The following ADAM22 variants were observed in gnomAD, a reference collection of about 807,000 sequenced individuals.
The protein encoded by ADAM22 is disintegrin and metalloproteinase domain-containing protein 22.
Under a neutral mutation model 144.6 loss-of-function variants are expected in ADAM22, and 65 were observed. The observed-to-expected ratio is 0.45, with a 90% CI of 0.37 to 0.55. ADAM22 has a LOEUF of 0.55. ADAM22 is among the 20% of genes least tolerant of loss of function. The pLI is 0.00. For synonymous variants in ADAM22, 391 were observed against 412.6 expected (o/e 0.95, Z 0.63); for missense variants, 974 against 1,184.9 (o/e 0.82, Z 2.61).
intron 5 of ADAM22, among the ~76,000 whole-genome samples, chr7:88,113,104 C>T (rs892897413): frequency 1.3e-5 from 2 of 150,590 alleles, no homozygotes; most frequent in African/African-American, 4.9e-5. Flanking sequence ...TTTCTGCATC[C>T]CCCCTGCCTG....
intron 11 of ADAM22, 160 bp from the exon 12 acceptor site, chr7:88,132,707 G>T: frequency 9.4e-6 from 5 of 533,862 alleles, no homozygotes; most frequent in African/African-American, 3.9e-5. Flanking sequence ...TTTTTCTTTG[G>T]TTACATGTAT....
chr7:88,164,596 G>C (rs1051977651), intron 23 of ADAM22, among the ~76,000 whole-genome samples: 7 of 151,982 alleles, frequency 4.6e-5, no homozygotes, highest in African/African-American at 1.7e-4. Context: ...CTTTTTATTA[G>C]CTGGGTAACA....
intron 3 of ADAM22, among the ~76,000 whole-genome samples, chr7:88,019,678 T>C (rs1292469721): frequency 6.6e-6 from 1 of 151,934 alleles, no homozygotes; most frequent in Non-Finnish European, 1.5e-5. Flanking sequence ...TAAAACCCTG[T>C]GTCTACTTAA....
At chr7:87,978,796 G>A (rs1852532740) in intron 3 of ADAM22, among the ~76,000 whole-genome samples, 1 of 152,158 alleles carries the variant, frequency 6.6e-6, no homozygotes, top group Non-Finnish European at 1.5e-5. Flanking sequence ...ATGATTCAGA[G>A]GACTGGCTGC....
chr7:87,975,804 G>A (rs1851768215), intron 2 of ADAM22, among the ~76,000 whole-genome samples: 1 of 152,160 alleles, frequency 6.6e-6, no homozygotes, highest in Admixed American at 6.5e-5. Flanking sequence ...CTGATTCAAA[G>A]GAAATTGAGG....
intron 12 of ADAM22, among the ~76,000 whole-genome samples, chr7:88,133,613 A>G (rs1479733902): frequency 6.6e-6 from 1 of 152,116 alleles, no homozygotes; most frequent in African/African-American, 2.4e-5. Flanking sequence ...ATGATTTTCC[A>G]GGGAATTGAA....
At chr7:88,117,024 A>T (rs994420186) in intron 7 of ADAM22, among the ~76,000 whole-genome samples, 7 of 152,230 alleles carry the variant, frequency 4.6e-5, no homozygotes, top group South Asian at 2.1e-4. Flanking sequence ...ACTTTAAAAA[A>T]TTTTAAAATT....
intron 4 of ADAM22, among the ~76,000 whole-genome samples, chr7:88,088,818 A>G (rs546453810): frequency 3.9e-5 from 6 of 152,354 alleles, no homozygotes; most frequent in Admixed American, 2.6e-4. Flanking sequence ...AAACAACAAC[A>G]ATCCAAAATT....
In ADAM22 at chr7:88,171,857, AAAAC is replaced by A. The variant is rs570491791; in HGVS notation, c.2300+301_2300+304del. 3.0e-3 allele frequency among the ~76,000 whole-genome samples: 453 copies of A among 151,848 alleles called. 3 individuals are homozygous for A. Among genetic ancestry groups the A allele is most frequent in the African/African-American group, 0.01 (429 of 41,532 alleles). The stretch of plus-strand genomic sequence containing the variant: ...ATATAGAAATTGATTTTTTCCATCT[AAAAC>A]AAACTTCCTCTATGTTAAGGTGTCC... On this transcript the variant is annotated intron_variant, in intron 26 of 31. Transcript: ENST00000413139.
intron 4 of ADAM22, among the ~76,000 whole-genome samples, chr7:88,106,666 G>A (rs3753106): frequency 0.57 from 86,024 of 152,006 alleles, 25,397 homozygotes; most frequent in East Asian, 0.9. Flanking sequence ...TTGGTGACAG[G>A]ATGGAAAGAG....
At chr7:87,962,020 T>C (rs1367836056) in intron 2 of ADAM22, among the ~76,000 whole-genome samples, 1 of 152,200 alleles carries the variant, frequency 6.6e-6, no homozygotes, top group Admixed American at 6.5e-5. Context: ...ATAATGCTCA[T>C]GCAAGTCATG....
chr7:88,057,990 T>C (rs1808750501), intron 3 of ADAM22, among the ~76,000 whole-genome samples: 1 of 152,220 alleles, frequency 6.6e-6, no homozygotes, highest in Non-Finnish European at 1.5e-5. Flanking sequence ...CATTTAAAAA[T>C]GACCCACATT....
rs185844067 is a variant in ADAM22 at position 87,938,795 on chromosome 7, G to A, written c.246+3609G>A. On this transcript the variant is annotated intron_variant, in intron 2 of 31. Transcript: ENST00000413139. Reference sequence around the variant, plus strand: ...CTCCCAAGTAGCTGGGACTACAGGCGCGTGCCACCACACCTGGCTAATTTT... The same window carrying A: ...CTCCCAAGTAGCTGGGACTACAGGCACGTGCCACCACACCTGGCTAATTTT... 2.6e-3 allele frequency among the ~76,000 whole-genome samples: 391 copies of A among 152,026 alleles called. 2 individuals carry two copies. Among genetic ancestry groups the A allele is most frequent in the African/African-American group, 8.9e-3 (370 of 41,478 alleles).
At chr7:88,151,076 T>C (rs887198080) in intron 19 of ADAM22, 45 bp downstream of exon 19, 1 of 1,582,070 alleles carries the variant, frequency 6.3e-7, no homozygotes, top group Non-Finnish European at 8.7e-7. Context: ...TGTACCAGCA[T>C]GAAAGGAATA....
chr7:87,943,608 A>G (rs1842889773), intron 2 of ADAM22, among the ~76,000 whole-genome samples: 1 of 152,126 alleles, frequency 6.6e-6, no homozygotes, highest in African/African-American at 2.4e-5. Context: ...TTATCATTAG[A>G]GTTCCTTTTA....
rs929700039 is a variant in ADAM22 at position 88,071,396 on chromosome 7, T to C, written c.324-4230T>C. Among the ~76,000 whole-genome samples the C allele has an allele frequency of 3.1e-4, 47 of 151,194 alleles. 1 individual carries two copies. The highest frequency in any genetic ancestry group is 1.5e-5 in the Non-Finnish European group (1 of 67,700). ...CATACCAGCTTTATGAAGTGATTTTTTTTTTTTTTTTTTTTTTAGTGTCTC... is the reference window on the plus strand; with the variant it reads ...CATACCAGCTTTATGAAGTGATTTTCTTTTTTTTTTTTTTTTTAGTGTCTC... On this transcript the variant is annotated intron_variant, in intron 3 of 31. Coordinates refer to ENST00000413139, the MANE Select transcript of ADAM22 (RefSeq NM_001324418.2).
chr7:88,083,495 A>C (rs1817504776), intron 4 of ADAM22, among the ~76,000 whole-genome samples: 1 of 152,122 alleles, frequency 6.6e-6, no homozygotes. Flanking sequence ...TATAAAAAAA[A>C]GAATGCTATA....
chr7:88,186,853 T>C, intron 30 of ADAM22, 152 bp downstream of exon 30: 1 of 601,352 alleles, frequency 1.7e-6, no homozygotes. Flanking sequence ...TGACTCTGTT[T>C]TTGCTTCGTG....
chr7:88,141,962 T>G (rs1007525123), intron 14 of ADAM22, among the ~76,000 whole-genome samples: 7 of 152,314 alleles, frequency 4.6e-5, no homozygotes, highest in Admixed American at 3.9e-4. Flanking sequence ...TTTTGAAGAT[T>G]CTTAATGCAT....
Sources: gnomAD v4.1 joint callset for allele counts (sites outside exome capture counted in the v4.1 genomes callset) on GRCh38, gnomAD v4.1.1 for gene constraint, MANE v1.5 for transcripts, NCBI Gene and HGNC (gene_info 2026-07-23, HGNC 2026-07-21) for gene names.